The following IQGAP3 variants were observed in gnomAD, a reference collection of about 807,000 sequenced individuals.
IQGAP3 encodes IQ motif containing GTPase activating protein 3, also known as ras GTPase-activating-like protein IQGAP3.
In IQGAP3, 165 loss-of-function variants were observed where a neutral mutation model predicts 208.2. The ratio of observed to expected loss-of-function variants is 0.79; its 90% CI spans 0.70 to 0.90. IQGAP3 has a LOEUF of 0.90. IQGAP3 is among the 40% of genes least tolerant of loss of function. IQGAP3 has a pLI of 0.00. For synonymous variants in IQGAP3, 703 were observed against 803.6 expected, an observed-to-expected ratio of 0.87 and a Z score of 2.12; for missense variants, 1,811 against 2,043.1, an observed-to-expected ratio of 0.89 and a Z score of 2.19.
intron 35 of IQGAP3, 92 bp from the exon 36 acceptor site, chr1:156,528,702 C>G (rs1439725626): frequency 8.7e-7 from 1 of 1,153,038 alleles, no homozygotes; most frequent in Non-Finnish European, 1.3e-6. Context: ...AATGAGACCC[C>G]GAGGAAGACT....
intron 1 of IQGAP3, among the ~76,000 whole-genome samples, chr1:156,571,600 T>A (rs1221506048): frequency 2.0e-5 from 3 of 152,194 alleles, no homozygotes; most frequent in African/African-American, 7.2e-5. Flanking sequence ...AGTAAGTGAA[T>A]GACATCATCT....
In IQGAP3 at chr1:156,540,696, T is replaced by C; in HGVS notation, c.2739+12A>G. The C allele has an allele frequency of 1.9e-6, 3 of 1,609,858 alleles. No individual in the cohort carries two copies. Among genetic ancestry groups the C allele is most frequent in the Non-Finnish European group, 2.5e-6 (3 of 1,176,564 alleles). On this transcript the variant is annotated intron_variant, in intron 23 of 37. Coordinates refer to ENST00000361170, the MANE Select transcript of IQGAP3 (RefSeq NM_178229.5). The stretch of plus-strand genomic sequence containing the variant: ...CAGATCTCGGGGAGGGGAGGACTGG[T>C]GGGCCCCATACCTGCAGAGTGATCC...
Position 156,566,480 on chromosome 1 carries a change from A to T in IQGAP3, c.192T>A (p.Asn64Lys). 6.2e-7 allele frequency: 1 copy of T among 1,614,134 alleles called. No individual in the cohort carries two copies. Among genetic ancestry groups the T allele is most frequent in the Non-Finnish European group, 8.5e-7 (1 of 1,179,994 alleles). The part of the protein sequence containing the change: ...SPVELEESLR[N>K]GVLLAKLGHC... ...GGCCTAGCTTGGCCAGCAGCACTCC[A>T]TTCCGAAGGCTCTCCTCCAGCTCCA... The change falls in exon 3 of 38, where the codon AAT (asparagine) becomes AAA (lysine). Residue 64 changes from asparagine (N) to lysine (K), a missense_variant. Transcript: ENST00000361170.
rs1674851885 is a variant in IQGAP3, at chr1:156,539,037, T to C, written c.3057-4A>G. 3 of 1,611,740 alleles carry C rather than the reference T, an allele frequency of 1.9e-6. No individual in the cohort carries two copies. In the Admixed American group the frequency reaches 5.0e-5, roughly 27 times the overall value. ...CTGGGGCTGCTCCACCTTTGACCTG[T>C]GGTTTAAGAGGTCATTGAAACCAGT... is the stretch of plus-strand genomic sequence containing the variant. On this transcript the variant is annotated splice_region_variant and splice_polypyrimidine_tract_variant and intron_variant, in intron 25 of 37. Transcript: ENST00000361170.
chr1:156,529,787 A>C (rs1674288985), intron 34 of IQGAP3, among the ~76,000 whole-genome samples: 1 of 151,732 alleles, frequency 6.6e-6, no homozygotes, highest in Admixed American at 6.6e-5. Flanking sequence ...CGGGCATGGC[A>C]GCGCGCACCT....
chr1:156,572,311 C>T (rs1266144234), intron 1 of IQGAP3, among the ~76,000 whole-genome samples, 182 bp downstream of exon 1: 1 of 152,234 alleles, frequency 6.6e-6, no homozygotes, highest in African/African-American at 2.4e-5. Flanking sequence ...GACAATGCGC[C>T]GCTCACAGTT....
Position 156,534,006 on chromosome 1 carries a change from C to T in IQGAP3, c.3873+3G>A. The T allele has an allele frequency of 6.2e-7, 1 of 1,613,676 alleles. No individual in the cohort carries two copies. On this transcript the variant is annotated splice_donor_region_variant and intron_variant, in intron 30 of 37. Transcript: ENST00000361170. ...CAACACCCTCCAGATCTCAGCCCCT[C>T]ACCCTGTGCGTGTTGACCAGCTCCC...
chr1:156,572,418 A>C (rs189847788), intron 1 of IQGAP3, 75 bp downstream of exon 1: 10 of 1,484,714 alleles, frequency 6.7e-6, no homozygotes, highest in Admixed American at 1.7e-5. Context: ...ACACGCCCCA[A>C]TCTCTCCCGG....
intron 26 of IQGAP3, among the ~76,000 whole-genome samples, chr1:156,538,218 G>T (rs1571322001): frequency 6.6e-6 from 1 of 152,122 alleles, no homozygotes; most frequent in Non-Finnish European, 1.5e-5. Context: ...CTGCCACCAC[G>T]CCCGGCTAAT....
At chr1:156,542,704 C>A (rs901118389) in intron 22 of IQGAP3, among the ~76,000 whole-genome samples, 13 of 152,140 alleles carry the variant, frequency 8.5e-5, no homozygotes, top group Non-Finnish European at 1.8e-4. Flanking sequence ...CTTTGGGCAG[C>A]CAAGGTGAGT....
intron 19 of IQGAP3, among the ~76,000 whole-genome samples, chr1:156,547,428 C>G (rs945448610): frequency 6.7e-6 from 1 of 149,808 alleles, no homozygotes; most frequent in African/African-American, 2.5e-5. Flanking sequence ...CACACACAGA[C>G]ACACACACAT....
intron 16 of IQGAP3, 127 bp from the exon 17 acceptor site, chr1:156,548,875 G>A: frequency 1.1e-6 from 1 of 926,254 alleles, no homozygotes. Context: ...GGAGTAGACG[G>A]GAACATCCCA....
At position 156,560,919 on chromosome 1, in the gene IQGAP3, C is replaced by T; in HGVS notation, c.1129+15G>A. On this transcript the variant is annotated intron_variant, in intron 11 of 37. Transcript: ENST00000361170. ...GATACGCACAGAGCAGGCCTCAGAC[C>T]TGCAGATGACTTACTGGCTTGTTCC... 6.3e-7 allele frequency: 1 copy of T among 1,590,876 alleles called. No individual in the cohort carries two copies. The highest frequency in any genetic ancestry group is 8.6e-7 in the Non-Finnish European group (1 of 1,159,144).
At position 156,534,003 on chromosome 1, in the gene IQGAP3, C is replaced by G. The variant is rs770433100; in HGVS notation, c.3873+6G>C. 6.2e-7 allele frequency: 1 copy of G among 1,613,616 alleles called. No individual in the cohort carries two copies. Among genetic ancestry groups the G allele is most frequent in the South Asian group, 1.1e-5 (1 of 91,082 alleles). ...AGCCAACACCCTCCAGATCTCAGCC[C>G]CTCACCCTGTGCGTGTTGACCAGCT... On this transcript the variant is annotated splice_donor_region_variant and intron_variant, in intron 30 of 37. Coordinates refer to ENST00000361170, the MANE Select transcript of IQGAP3 (RefSeq NM_178229.5).
In IQGAP3 at chr1:156,539,040, T is replaced by C. The variant is rs763737617; in HGVS notation, c.3057-7A>G. The C allele has an allele frequency of 6.2e-7, 1 of 1,609,832 alleles. No individual in the cohort carries two copies. Among genetic ancestry groups the C allele is most frequent in the Non-Finnish European group, 8.5e-7 (1 of 1,176,964 alleles). The stretch of plus-strand genomic sequence containing the variant: ...GGGCTGCTCCACCTTTGACCTGTGG[T>C]TTAAGAGGTCATTGAAACCAGTCTT... On this transcript the variant is annotated splice_region_variant and splice_polypyrimidine_tract_variant and intron_variant, in intron 25 of 37. Transcript: ENST00000361170.
chr1:156,529,940 A>T (rs1404816037), intron 34 of IQGAP3, among the ~76,000 whole-genome samples, 165 bp downstream of exon 34: 1 of 151,340 alleles, frequency 6.6e-6, no homozygotes, highest in African/African-American at 2.4e-5. Flanking sequence ...AAAAAGAAAA[A>T]AAAATCTTTC....
rs74116866 is a variant in IQGAP3, at chr1:156,528,262, C to T, written c.4674-202G>A. ...CCATCTCTTTATCTGCCCCGCCCTA[C>T]GCAGCTGTTCTCACCTCTGGAAAGC... On this transcript the variant is annotated intron_variant, in intron 36 of 37. Transcript: ENST00000361170. Among the ~76,000 whole-genome samples the T allele has an allele frequency of 8.1e-3, 1,227 of 152,314 alleles. 8 individuals carry two copies. The highest frequency in any genetic ancestry group is 0.031 in the South Asian group (148 of 4,826).
intron 13 of IQGAP3, among the ~76,000 whole-genome samples, chr1:156,553,306 C>T (rs1675653316): frequency 6.6e-6 from 1 of 152,232 alleles, no homozygotes; most frequent in Non-Finnish European, 1.5e-5. Flanking sequence ...TGGTCTTCAT[C>T]TCCCACTCCT....
chr1:156,540,632 C>A, intron 23 of IQGAP3, 76 bp downstream of exon 23: 1 of 1,335,562 alleles, frequency 7.5e-7, no homozygotes. Context: ...AATTGATTAG[C>A]AAGCAGAGAA....
Sources: gnomAD v4.1 joint callset for allele counts (sites outside exome capture counted in the v4.1 genomes callset) on GRCh38, gnomAD v4.1.1 for gene constraint, MANE v1.5 for transcripts, NCBI Gene and HGNC (gene_info 2026-07-23, HGNC 2026-07-21) for gene names.